The following EYS variants were observed in gnomAD, a reference collection of about 807,000 sequenced individuals.
EYS encodes EGF-like photoreceptor maintenance factor, also known as protein eyes shut homolog.
Under a neutral mutation model 282.1 loss-of-function variants are expected in EYS, and 250 were observed. That is an observed-to-expected ratio of 0.89 (90% CI 0.80 to 0.98). The LOEUF is 0.98. EYS is among the 50% of genes least tolerant of loss of function. EYS has a pLI of 0.00. For missense variants in EYS, 4,016 were observed against 3,709.0 expected (o/e 1.08, Z -2.15); for synonymous variants, 1,355 against 1,282.9 (o/e 1.06, Z -1.20).
chr6:63,945,938 T>A (rs1324629957), intron 35 of EYS, among the ~76,000 whole-genome samples: 1 of 152,218 alleles, frequency 6.6e-6, no homozygotes, highest in Non-Finnish European at 1.5e-5. Flanking sequence ...TTATTCCTTT[T>A]CCTGAACCTA....
intron 12 of EYS, among the ~76,000 whole-genome samples, chr6:65,198,787 G>T (rs1765830726): frequency 1.3e-5 from 2 of 152,126 alleles, no homozygotes; most frequent in South Asian, 4.1e-4. Flanking sequence ...GGATTTGGTT[G>T]TTCAGATTAG....
At chr6:64,939,095 T>C (rs1354849901) in intron 15 of EYS, among the ~76,000 whole-genome samples, 3 of 151,838 alleles carry the variant, frequency 2.0e-5, no homozygotes, top group Non-Finnish European at 4.4e-5. Context: ...ATACATACAT[T>C]ATGCTCATCT....
At chr6:63,905,905 T>G (rs321505) in intron 35 of EYS, among the ~76,000 whole-genome samples, 76,576 of 152,082 alleles carry the variant, frequency 0.5, 20,945 homozygotes, top group Non-Finnish European at 0.61. Context: ...GCATCCAGAC[T>G]AAGCTGGATA....
chr6:63,736,901 T>A (rs1407748469), intron 41 of EYS, among the ~76,000 whole-genome samples: 2 of 152,182 alleles, frequency 1.3e-5, no homozygotes, highest in Non-Finnish European at 2.9e-5. Flanking sequence ...CTGTTATTGG[T>A]GTATAGGAAT....
In EYS at chr6:64,678,619, C is replaced by G. The variant is rs1313815173; in HGVS notation, c.3444-52374G>C. Among the ~76,000 whole-genome samples, 6 of 151,980 alleles carry G rather than the reference C, an allele frequency of 3.9e-5. No homozygotes were observed. The South Asian group carries it at 1.2e-3, about 32-fold the overall frequency. ...AATAATTTGAAATATTTTTTTCACT[C>G]TGTAGTTTTGCTATGAACTTAATAC... On this transcript the variant is annotated intron_variant, in intron 22 of 42. Coordinates refer to ENST00000503581, the MANE Select transcript of EYS (RefSeq NM_001142800.2).
chr6:64,088,205 G>A (rs998053873), intron 31 of EYS, among the ~76,000 whole-genome samples: 59 of 152,076 alleles, frequency 3.9e-4, no homozygotes, highest in Non-Finnish European at 2.2e-4. Context: ...GTGTTTTCCC[G>A]CTGCTTCCAA....
intron 29 of EYS, among the ~76,000 whole-genome samples, chr6:64,345,408 C>T (rs1582631607): frequency 6.6e-6 from 1 of 152,116 alleles, no homozygotes. Flanking sequence ...ATATCTACAA[C>T]TATCTGATCT....
At chr6:64,274,480 C>CGTTTTTTTTTTT (rs1768041977) in intron 30 of EYS, among the ~76,000 whole-genome samples, 1 of 32,770 alleles carries the variant, frequency 3.1e-5, no homozygotes, top group African/African-American at 1.9e-4. Context: ...CACGCCTGGC[C>CGTTTTTTTTTTT]GTTTTTTTTT....
chr6:65,606,477 AG>A (rs1391488714), intron 2 of EYS, among the ~76,000 whole-genome samples: 1 of 151,878 alleles, frequency 6.6e-6, no homozygotes, highest in Non-Finnish European at 1.5e-5. Context: ...AATAACATTT[AG>A]ATTATATCAT....
At chr6:64,602,655 T>C (rs1003495293) in intron 24 of EYS, among the ~76,000 whole-genome samples, 2 of 152,110 alleles carry the variant, frequency 1.3e-5, no homozygotes, top group Non-Finnish European at 2.9e-5. Flanking sequence ...AAAGAATTGG[T>C]AAATTATTTG....
intron 12 of EYS, among the ~76,000 whole-genome samples, chr6:65,164,765 G>A (rs944175767): frequency 7.3e-5 from 11 of 151,242 alleles, no homozygotes; most frequent in Middle Eastern, 3.4e-3. Flanking sequence ...AAAAAGAGTC[G>A]GTTTCACGGT....
chr6:64,035,395 A>G (rs1258757178), intron 33 of EYS, among the ~76,000 whole-genome samples: 1 of 152,224 alleles, frequency 6.6e-6, no homozygotes, highest in Non-Finnish European at 1.5e-5. Context: ...TTAAAAATCT[A>G]TGACTCATAG....
At position 64,996,312 on chromosome 6, in the gene EYS, G is replaced by A. The variant is rs113411394; in HGVS notation, c.2259+1270C>T. Among the ~76,000 whole-genome samples, 1,087 of 152,204 alleles carry A rather than the reference G, an allele frequency of 7.1e-3. 7 individuals carry two copies. Among genetic ancestry groups the A allele is most frequent in the Middle Eastern group, 0.041 (12 of 294 alleles). Reference sequence around the variant, plus strand: ...TATTATTATTTAAGTAGTTAATAGTGATAGTCTAATCAACTATACCCCCCC... The same window carrying A: ...TATTATTATTTAAGTAGTTAATAGTAATAGTCTAATCAACTATACCCCCCC... On this transcript the variant is annotated intron_variant, in intron 14 of 42. Transcript: ENST00000503581.
intron 26 of EYS, among the ~76,000 whole-genome samples, chr6:64,477,441 C>T (rs207467057): frequency 4.6e-5 from 7 of 152,034 alleles, no homozygotes; most frequent in Non-Finnish European, 8.8e-5. Context: ...TCACTTCAAA[C>T]TCATGTTTTG....
At chr6:64,796,062 A>G (rs1027257627) in intron 22 of EYS, among the ~76,000 whole-genome samples, 1 of 152,200 alleles carries the variant, frequency 6.6e-6, no homozygotes, top group East Asian at 1.9e-4. Context: ...TTGATTAAAA[A>G]CTGCTCACGC....
At chr6:65,020,340 C>T (rs899562787) in intron 13 of EYS, among the ~76,000 whole-genome samples, 3 of 152,088 alleles carry the variant, frequency 2.0e-5, no homozygotes, top group South Asian at 2.1e-4. Flanking sequence ...TAAATGGACC[C>T]ATTTCAAAAG....
chr6:63,928,730 C>T (rs987462105), intron 35 of EYS, among the ~76,000 whole-genome samples: 5 of 152,142 alleles, frequency 3.3e-5, no homozygotes, highest in African/African-American at 1.2e-4. Flanking sequence ...CAATTCAAAT[C>T]CCACTAGTTC....
chr6:65,369,314 TATTA>T (rs1188380550), intron 8 of EYS, among the ~76,000 whole-genome samples: 63 of 45,864 alleles, frequency 1.4e-3, no homozygotes, highest in African/African-American at 2.6e-3. Context: ...ATAATATATA[TATTA>T]TATATATATA....
intron 19 of EYS, among the ~76,000 whole-genome samples, chr6:64,828,077 A>T (rs1292576450): frequency 1.3e-5 from 2 of 151,964 alleles, no homozygotes; most frequent in African/African-American, 4.8e-5. Flanking sequence ...GAAACTATAA[A>T]AATATTCAAA....
Sources: gnomAD v4.1 joint callset for allele counts (sites outside exome capture counted in the v4.1 genomes callset) on GRCh38, gnomAD v4.1.1 for gene constraint, MANE v1.5 for transcripts, NCBI Gene and HGNC (gene_info 2026-07-23, HGNC 2026-07-21) for gene names.